The following LRRC37A2 variants were observed in gnomAD, a reference collection of about 807,000 sequenced individuals.
LRRC37A2 encodes the protein leucine-rich repeat-containing protein 37A2.
Under a neutral mutation model 68.8 loss-of-function variants are expected in LRRC37A2, and 9 were observed. The ratio of observed to expected loss-of-function variants is 0.13; its 90% CI spans 0.08 to 0.23. LRRC37A2 has a LOEUF of 0.23. LRRC37A2 is among the 10% of genes least tolerant of loss of function. LRRC37A2 has a pLI of 1.00. For missense variants in LRRC37A2, 168 were observed against 950.4 expected (o/e 0.18, Z 10.82); for synonymous variants, 63 against 367.6 (o/e 0.17, Z 9.48).
the LRRC37A2 span, among the ~76,000 whole-genome samples, chr17:46,725,318 G>A: frequency 2.0e-5 from 3 of 152,172 alleles, no homozygotes; most frequent in African/African-American, 7.2e-5. Context: ...GTCCAGTGGG[G>A]AGACAGATAG....
intron 10 of LRRC37A2, among the ~76,000 whole-genome samples, chr17:46,550,186 G>A (rs1179731411): frequency 9.4e-5 from 3 of 31,900 alleles, no homozygotes; most frequent in Admixed American, 8.8e-4. Flanking sequence ...TTGATGACAC[G>A]TGCCTGTAGT....
chr17:46,791,676 A>T, the LRRC37A2 span, among the ~76,000 whole-genome samples: 1 of 152,318 alleles, frequency 6.6e-6, no homozygotes, highest in South Asian at 2.1e-4. Context: ...TTCTGTCTGC[A>T]TTCTACTTAC....
chr17:46,755,924 C>CG, the LRRC37A2 span: 1 of 1,139,356 alleles, frequency 8.8e-7, no homozygotes, highest in Non-Finnish European at 1.3e-6. Context: ...CTAAGTGGAA[C>CG]GTTCTCTACC....
At chr17:46,916,719 C>G in the LRRC37A2 span, 3 of 152,192 alleles carry the variant, frequency 2.0e-5, no homozygotes, top group African/African-American at 7.2e-5. Flanking sequence ...CTGTCTTAGT[C>G]TATTTTCTGC....
the LRRC37A2 span, among the ~76,000 whole-genome samples, chr17:46,712,240 A>G: frequency 2.6e-5 from 4 of 152,208 alleles, no homozygotes; most frequent in Admixed American, 2.6e-4. Flanking sequence ...CCTCATTATT[A>G]TTGTCAATCA....
At chr17:46,791,402 T>C in the LRRC37A2 span, among the ~76,000 whole-genome samples, 13 of 152,068 alleles carry the variant, frequency 8.5e-5, no homozygotes, top group Non-Finnish European at 1.6e-4. Context: ...AGACGGGGTT[T>C]CAACATGTTG....
the LRRC37A2 span, among the ~76,000 whole-genome samples, chr17:46,678,607 A>C: frequency 8.4e-6 from 1 of 119,744 alleles, no homozygotes; most frequent in Non-Finnish European, 1.7e-5. Flanking sequence ...AATGGTTTAG[A>C]ACTTTCTAAA....
chr17:46,787,713 G>A, the LRRC37A2 span, among the ~76,000 whole-genome samples: 2 of 152,290 alleles, frequency 1.3e-5, no homozygotes, highest in African/African-American at 4.8e-5. Context: ...CGGCACTTTG[G>A]GAGGCCAAGG....
chr17:46,787,472 C>T, the LRRC37A2 span, among the ~76,000 whole-genome samples: 1 of 152,292 alleles, frequency 6.6e-6, no homozygotes, highest in Admixed American at 6.5e-5. Flanking sequence ...CCCAGGGAAG[C>T]GATGTGCCTT....
chr17:47,040,101 T>C, the LRRC37A2 span, among the ~76,000 whole-genome samples: 1 of 151,824 alleles, frequency 6.6e-6, no homozygotes, highest in Non-Finnish European at 1.5e-5. Context: ...TCTACAGAAC[T>C]GAATCATTTC....
chr17:46,386,100 A>T, the LRRC37A2 span, among the ~76,000 whole-genome samples: 1 of 126,130 alleles, frequency 7.9e-6, no homozygotes, highest in African/African-American at 2.7e-5. Context: ...AATTCTAGAT[A>T]ATTTTTTTTT....
chr17:46,789,617 G>C, the LRRC37A2 span, among the ~76,000 whole-genome samples: 1 of 152,232 alleles, frequency 6.6e-6, no homozygotes, highest in African/African-American at 2.4e-5. Flanking sequence ...AAGGGACAGA[G>C]GAACAAACCA....
At chr17:46,870,226 C>T in the LRRC37A2 span, among the ~76,000 whole-genome samples, 36 of 152,264 alleles carry the variant, frequency 2.4e-4, no homozygotes, top group East Asian at 4.3e-3. Context: ...GAGCAGAAGT[C>T]GCCACTCACA....
Position 46,521,209 on chromosome 17 carries a change from T to A in LRRC37A2, c.2753+926T>A, listed in dbSNP as rs71206455. Reference sequence around the variant, plus strand: ...AAGATACTATGTTCATTGCTATGAATGCTTGATTCTTACCCTTTGTCCATA... The same window carrying A: ...AAGATACTATGTTCATTGCTATGAAAGCTTGATTCTTACCCTTTGTCCATA... On this transcript the variant is annotated intron_variant, in intron 4 of 14. Transcript: ENST00000576629. 1.8e-4 allele frequency among the ~76,000 whole-genome samples: 11 copies of A among 61,018 alleles called. 3 individuals carry two copies. The highest frequency in any genetic ancestry group is 6.0e-4 in the African/African-American group (11 of 18,310). 40.0% of individuals were successfully genotyped at this position (61,018 alleles called of 152,430 possible). A position where few individuals can be genotyped will look rare whatever the true frequency, so the allele number is the denominator to read the frequency against.
At chr17:47,030,082 AATAATAATCATCATC>A in the LRRC37A2 span, among the ~76,000 whole-genome samples, 60 of 46,256 alleles carry the variant, frequency 1.3e-3, no homozygotes, top group African/African-American at 2.7e-3. Flanking sequence ...TAATAATAAT[AATAATAATCATCATC>A]ATCATCATCA....
the LRRC37A2 span, among the ~76,000 whole-genome samples, chr17:46,734,648 C>T: frequency 6.6e-6 from 1 of 152,068 alleles, no homozygotes; most frequent in African/African-American, 2.4e-5. Context: ...TAGTGATCAA[C>T]TAAGATAATG....
At chr17:46,585,310 T>C in the LRRC37A2 span, among the ~76,000 whole-genome samples, 2 of 99,726 alleles carry the variant, frequency 2.0e-5, no homozygotes, top group Admixed American at 1.0e-4. Context: ...AGAGCAAGAC[T>C]CCATCTCGAA....
At chr17:47,012,714 A>C in the LRRC37A2 span, among the ~76,000 whole-genome samples, 6 of 152,224 alleles carry the variant, frequency 3.9e-5, no homozygotes, top group African/African-American at 1.4e-4. Flanking sequence ...TTTGTCAAGA[A>C]GACAGACAAT....
chr17:46,744,330 ACT>A, the LRRC37A2 span, among the ~76,000 whole-genome samples: 3 of 152,208 alleles, frequency 2.0e-5, no homozygotes, highest in Non-Finnish European at 4.4e-5. Flanking sequence ...GAAATATTTC[ACT>A]CTCATTTACA....
Sources: gnomAD v4.1 joint callset for allele counts (sites outside exome capture counted in the v4.1 genomes callset) on GRCh38, gnomAD v4.1.1 for gene constraint, MANE v1.5 for transcripts, NCBI Gene and HGNC (gene_info 2026-07-23, HGNC 2026-07-21) for gene names.